Variants in SORCS1 observed in about 807,000 individuals in gnomAD.
The protein encoded by SORCS1 is VPS10 domain-containing receptor SorCS1.
A neutral mutation model predicts 146.1 loss-of-function variants in SORCS1; 60 were observed. That is an observed-to-expected ratio of 0.41 (90% CI 0.33 to 0.51). SORCS1 has a LOEUF of 0.51. Ranked by LOEUF, SORCS1 falls within the 20% of genes least tolerant of loss-of-function variation. The pLI is 0.21. For synonymous variants in SORCS1, 637 were observed against 584.0 expected, an observed-to-expected ratio of 1.09 and a Z score of -1.31; for missense variants, 1,352 against 1,487.6, an observed-to-expected ratio of 0.91 and a Z score of 1.50.
chr10:106,668,776 C>T (rs903594632), intron 16 of SORCS1, among the ~76,000 whole-genome samples: 3 of 152,148 alleles, frequency 2.0e-5, no homozygotes, highest in Non-Finnish European at 4.4e-5. Context: ...TTCAGAATTG[C>T]TGCCTATAGG....
At chr10:106,780,404 T>C (rs1860800361) in intron 3 of SORCS1, among the ~76,000 whole-genome samples, 1 of 152,220 alleles carries the variant, frequency 6.6e-6, no homozygotes. Context: ...GAGCATGTTC[T>C]GGACAACAGA....
At chr10:106,600,981 C>T (rs1846203617) in intron 23 of SORCS1, among the ~76,000 whole-genome samples, 1 of 152,162 alleles carries the variant, frequency 6.6e-6, no homozygotes, top group African/African-American at 2.4e-5. Context: ...AACATCAGCC[C>T]CAATGCCCAG....
chr10:106,844,688 G>T (rs1455996895), intron 2 of SORCS1, among the ~76,000 whole-genome samples: 2 of 143,062 alleles, frequency 1.4e-5, no homozygotes, highest in South Asian at 2.3e-4. Flanking sequence ...CCACTAACTC[G>T]TCATCTAGCA....
intron 1 of SORCS1, among the ~76,000 whole-genome samples, chr10:107,033,695 A>G (rs1958769317): frequency 6.6e-6 from 1 of 152,246 alleles, no homozygotes; most frequent in African/African-American, 2.4e-5. Flanking sequence ...AAATACTCCC[A>G]TTAACAGTAT....
chr10:106,865,357 G>T (rs993627973), intron 2 of SORCS1, among the ~76,000 whole-genome samples: 5 of 152,192 alleles, frequency 3.3e-5, no homozygotes, highest in Non-Finnish European at 5.9e-5. Context: ...GATCCCTCCA[G>T]GTACTGGAAA....
chr10:107,148,619 T>C (rs965700838), intron 1 of SORCS1, among the ~76,000 whole-genome samples: 2 of 152,170 alleles, frequency 1.3e-5, no homozygotes, highest in Non-Finnish European at 2.9e-5. Context: ...TTCCCTCTAA[T>C]GGGGAATGCA....
chr10:106,798,872 A>G (rs1946726887), intron 3 of SORCS1, among the ~76,000 whole-genome samples: 1 of 152,208 alleles, frequency 6.6e-6, no homozygotes, highest in African/African-American at 2.4e-5. Context: ...TGAATTGGAA[A>G]AAACTACTTT....
intron 1 of SORCS1, among the ~76,000 whole-genome samples, chr10:107,108,559 C>T (rs549621747): frequency 5.3e-5 from 8 of 152,146 alleles, no homozygotes; most frequent in Non-Finnish European, 5.9e-5. Context: ...ACTCAAATAC[C>T]TCCCACCAGG....
chr10:106,648,463 T>C (rs867109485), intron 18 of SORCS1, among the ~76,000 whole-genome samples: 4 of 152,228 alleles, frequency 2.6e-5, no homozygotes, highest in African/African-American at 9.6e-5. Context: ...TCTGATGTAT[T>C]TTAATGCTAC....
chr10:107,138,978 T>G (rs909759296), intron 1 of SORCS1, among the ~76,000 whole-genome samples: 5 of 152,194 alleles, frequency 3.3e-5, no homozygotes, highest in African/African-American at 9.6e-5. Flanking sequence ...GATGGAGTTT[T>G]GTGTGAGAAA....
At chr10:107,000,222 A>G (rs1418915064) in intron 1 of SORCS1, among the ~76,000 whole-genome samples, 1 of 152,248 alleles carries the variant, frequency 6.6e-6, no homozygotes, top group African/African-American at 2.4e-5. Flanking sequence ...ATGCACACCC[A>G]GCAGTTGATG....
In SORCS1 at chr10:107,002,854, G is replaced by A. The variant is rs1350535324; in HGVS notation, c.559-46274C>T. Among the ~76,000 whole-genome samples, 3 of 152,200 alleles carry A rather than the reference G, an allele frequency of 2.0e-5. No homozygotes were observed. In the East Asian group the frequency reaches 5.8e-4, roughly 29 times the overall value. On this transcript the variant is annotated intron_variant, in intron 1 of 25. Transcript: ENST00000263054. ...GATGCCTTTTGTCCTACTAATTGCTGACATGCATCATTCAAGGTGGGAGTT... is the reference window on the plus strand; with the variant it reads ...GATGCCTTTTGTCCTACTAATTGCTAACATGCATCATTCAAGGTGGGAGTT...
At chr10:106,709,389 CAG>C (rs1854791125) in intron 6 of SORCS1, 48 bp from the exon 7 acceptor site, 1 of 1,166,332 alleles carries the variant, frequency 8.6e-7, no homozygotes, top group Non-Finnish European at 1.3e-6. Context: ...GGGGGATATA[CAG>C]ACAGAGATTT....
intron 21 of SORCS1, among the ~76,000 whole-genome samples, 165 bp downstream of exon 21, chr10:106,617,984 A>G (rs1847489816): frequency 6.6e-6 from 1 of 152,054 alleles, no homozygotes; most frequent in South Asian, 2.1e-4. Context: ...AGTGATTCAA[A>G]TTTCCCTACA....
chr10:107,070,878 T>C (rs1962360373), intron 1 of SORCS1, among the ~76,000 whole-genome samples: 1 of 151,918 alleles, frequency 6.6e-6, no homozygotes, highest in Admixed American at 6.6e-5. Context: ...CTATGCTATA[T>C]AAAGAGATTT....
chr10:106,802,763 T>TGCTG (rs1400291817), intron 3 of SORCS1, among the ~76,000 whole-genome samples: 1 of 151,666 alleles, frequency 6.6e-6, no homozygotes, highest in Non-Finnish European at 1.5e-5. Flanking sequence ...CCTCCCAAAG[T>TGCTG]GCTGGAATTA....
intron 1 of SORCS1, among the ~76,000 whole-genome samples, chr10:107,111,336 G>A (rs921552800): frequency 2.6e-5 from 4 of 152,030 alleles, no homozygotes; most frequent in Non-Finnish European, 5.9e-5. Context: ...AACAATGCAT[G>A]AACAAAATAA....
intron 15 of SORCS1, among the ~76,000 whole-genome samples, chr10:106,671,781 A>G (rs1287771433): frequency 2.6e-5 from 4 of 152,220 alleles, no homozygotes; most frequent in Non-Finnish European, 5.9e-5. Flanking sequence ...ATTGCTAAGA[A>G]ATATAAAGAT....
chr10:106,757,052 T>C (rs887041577), intron 5 of SORCS1, among the ~76,000 whole-genome samples: 2 of 152,166 alleles, frequency 1.3e-5, no homozygotes, highest in African/African-American at 4.8e-5. Context: ...GTGACTGGCT[T>C]TGTGTGCAGT....
Sources: gnomAD v4.1 joint callset for allele counts (sites outside exome capture counted in the v4.1 genomes callset) on GRCh38, gnomAD v4.1.1 for gene constraint, MANE v1.5 for transcripts, NCBI Gene and HGNC (gene_info 2026-07-23, HGNC 2026-07-21) for gene names.